The following ARSK variants were observed in gnomAD, a reference collection of about 807,000 sequenced individuals.
ARSK encodes the protein arylsulfatase K.
In ARSK, 37 loss-of-function variants were observed where a neutral mutation model predicts 53.2. The ratio of observed to expected loss-of-function variants is 0.70; its 90% CI spans 0.54 to 0.92. ARSK has a LOEUF of 0.92. Ranked by LOEUF, ARSK falls within the 40% of genes least tolerant of loss-of-function variation. The pLI is 0.00. For synonymous variants in ARSK, 208 were observed against 223.2 expected (o/e 0.93, Z 0.61); for missense variants, 613 against 643.0 (o/e 0.95, Z 0.51).
rs745501750 is a variant in ARSK, at chr5:95,567,969, G to T, written c.336G>T (p.Trp112Cys). ...FKGLDPNYTT[W>C]MDVMERHGYR... ...GTCTAGATCCAAATTATACAACATGGATGGATGTCATGGAGAGGCATGGCT... is the reference window on the plus strand; with the variant it reads ...GTCTAGATCCAAATTATACAACATGTATGGATGTCATGGAGAGGCATGGCT... The change falls in exon 3 of 8, where the codon TGG (tryptophan) becomes TGT (cysteine). Residue 112 changes from tryptophan to cysteine, a missense_variant. Physicochemically the swap from Trp to Cys is radical, Grantham distance 215. Coordinates refer to ENST00000380009, the MANE Select transcript of ARSK (RefSeq NM_198150.3). 3.1e-6 allele frequency: 5 copies of T among 1,613,736 alleles called. No individual in the cohort carries two copies. The highest frequency in any genetic ancestry group is 4.2e-6 in the Non-Finnish European group (5 of 1,179,840).
chr5:95,598,487 T>C lies in ARSK; in HGVS notation c.1097-2360T>C, dbSNP rs115131024. Among the ~76,000 whole-genome samples, 563 of 152,282 alleles carry C rather than the reference T, an allele frequency of 3.7e-3. 1 individual carries two copies. Among genetic ancestry groups the C allele is most frequent in the Non-Finnish European group, 5.3e-3 (358 of 68,030 alleles). ...CATGGGTTTTATCAATTTACAAAGG[T>C]ATTTTATTCTATCAATAATAGACTG... On this transcript the variant is annotated intron_variant, in intron 6 of 7. Transcript: ENST00000380009.
intron 3 of ARSK, among the ~76,000 whole-genome samples, chr5:95,574,154 C>T (rs1748883645): frequency 6.6e-6 from 1 of 152,182 alleles, no homozygotes; most frequent in African/African-American, 2.4e-5. Context: ...CAGTTCCATC[C>T]ATGTTGTTGC....
chr5:95,579,321 G>A (rs2112429465), intron 3 of ARSK, among the ~76,000 whole-genome samples: 1 of 152,298 alleles, frequency 6.6e-6, no homozygotes, highest in African/African-American at 2.4e-5. Flanking sequence ...AAGAAAAAGA[G>A]GTTTAATGGA....
At chr5:95,559,295 C>T (rs1380534055) in intron 1 of ARSK, among the ~76,000 whole-genome samples, 4 of 152,088 alleles carry the variant, frequency 2.6e-5, no homozygotes, top group African/African-American at 7.2e-5. Flanking sequence ...GTTCTGAATC[C>T]GCAGATTCCA....
At chr5:95,561,577 AT>A (rs1748636483) in intron 1 of ARSK, among the ~76,000 whole-genome samples, 1 of 152,272 alleles carries the variant, frequency 6.6e-6, no homozygotes, top group Non-Finnish European at 1.5e-5. Flanking sequence ...ACAATAAAAA[AT>A]ATGGTATATG....
chr5:95,600,914 A>G lies in ARSK; in HGVS notation c.1164A>G (p.Thr388=), dbSNP rs1468293644. ...CTTTGTTGCCGTTATCATCAGAAAC[A>G]TTTAAGAATGAACATAAAGTCAAAA... ...GYSLLPLSSE[T]FKNEHKVKNL... is the part of the protein sequence containing the mutation. The change falls in exon 7 of 8, where the codon ACA becomes ACG. Residue 388 remains threonine, a synonymous_variant. Coordinates refer to ENST00000380009, the MANE Select transcript of ARSK (RefSeq NM_198150.3). The G allele has an allele frequency of 6.2e-7, 1 of 1,614,116 alleles. No homozygotes were observed. Among genetic ancestry groups the G allele is most frequent in the Admixed American group, 1.7e-5 (1 of 60,014 alleles).
chr5:95,555,333 C>A lies in ARSK; in HGVS notation c.55C>A (p.Pro19Thr). 6.2e-7 allele frequency: 1 copy of A among 1,609,124 alleles called. No individual in the cohort carries two copies. The highest frequency in any genetic ancestry group is 8.5e-7 in the Non-Finnish European group (1 of 1,179,422). The change falls in exon 1 of 8, where the codon CCC becomes ACC. Residue 19 changes from proline to threonine, a missense_variant. Physicochemically the swap from Pro to Thr is conservative, Grantham distance 38. Transcript: ENST00000380009. The surrounding 1 kb of genome is among the most constrained non-coding windows in gnomAD (Gnocchi z 4.0). The stretch of plus-strand genomic sequence containing the variant: ...AGCCTTGGCGCTGGCGGTACTGGCC[C>A]CCGGAGCAGGGGAGCAGAGGCGGAG... ...VAALALAVLA[P>T]GAGEQRRRAA...
intron 1 of ARSK, among the ~76,000 whole-genome samples, chr5:95,564,247 G>C (rs529348538): frequency 6.6e-6 from 1 of 152,188 alleles, no homozygotes; most frequent in South Asian, 2.1e-4. Context: ...CAAAGAGCTG[G>C]GATTACAGGC....
rs10061402 is a variant in ARSK at position 95,570,263 on chromosome 5, C to G, written c.416+2214C>G. Among the ~76,000 whole-genome samples the G allele has an allele frequency of 4.7e-3, 723 of 152,342 alleles. 3 individuals are homozygous for G. Among genetic ancestry groups the G allele is most frequent in the African/African-American group, 0.016 (678 of 41,578 alleles). On this transcript the variant is annotated intron_variant, in intron 3 of 7. Transcript: ENST00000380009. ...ACCTCCAGTCTCATTTCATACCACT[C>G]TCTCCATCCCTCAGTATGCACCTGG... is the stretch of plus-strand genomic sequence containing the variant.
chr5:95,594,105 G>C (rs1749261914), intron 6 of ARSK, among the ~76,000 whole-genome samples: 1 of 152,162 alleles, frequency 6.6e-6, no homozygotes, highest in South Asian at 2.1e-4. Context: ...AAGAGGGAAA[G>C]CTACATTTAA....
chr5:95,568,181 AT>A, intron 3 of ARSK, 132 bp downstream of exon 3: 1 of 948,518 alleles, frequency 1.1e-6, no homozygotes, highest in Non-Finnish European at 1.5e-6. Context: ...CATTGTGTTA[AT>A]TAGGCTGAAA....
At chr5:95,561,055 C>T (rs76605836) in intron 1 of ARSK, among the ~76,000 whole-genome samples, 108 of 152,202 alleles carry the variant, frequency 7.1e-4, no homozygotes, top group African/African-American at 2.5e-3. Flanking sequence ...GGGATATACC[C>T]GCCTAGGCCT....
In ARSK at chr5:95,555,297, T is replaced by A. The variant is rs1276238280; in HGVS notation, c.19T>A (p.Ser7Thr). The change falls in exon 1 of 8, where the codon TCG (serine) becomes ACG (threonine). Residue 7 changes from serine to threonine, a missense_variant. Coordinates refer to ENST00000380009, the MANE Select transcript of ARSK (RefSeq NM_198150.3). The surrounding 1 kb of genome is among the most constrained non-coding windows in gnomAD (Gnocchi z 4.0). MLLLWV[S>T]VVAALALAVL... ...ACCGGCGATGCTACTGCTGTGGGTG[T>A]CGGTGGTCGCAGCCTTGGCGCTGGC... is the stretch of plus-strand genomic sequence containing the variant. The A allele has an allele frequency of 6.2e-7, 1 of 1,601,718 alleles. No individual in the cohort carries two copies. The highest frequency in any genetic ancestry group is 8.5e-7 in the Non-Finnish European group (1 of 1,178,908).
intron 1 of ARSK, among the ~76,000 whole-genome samples, chr5:95,557,667 A>G (rs566884962): frequency 1.3e-5 from 2 of 152,354 alleles, no homozygotes; most frequent in South Asian, 4.1e-4. Context: ...GTATGCTGTT[A>G]GATTCTTGAC....
At chr5:95,583,422 G>A (rs1003734820) in intron 4 of ARSK, among the ~76,000 whole-genome samples, 4 of 152,138 alleles carry the variant, frequency 2.6e-5, no homozygotes, top group Non-Finnish European at 4.4e-5. Context: ...CTAAGGATAT[G>A]TCTATAAACA....
intron 4 of ARSK, among the ~76,000 whole-genome samples, chr5:95,584,442 T>A (rs1749074335): frequency 6.6e-6 from 1 of 152,216 alleles, no homozygotes; most frequent in African/African-American, 2.4e-5. Context: ...TATTTAACAA[T>A]ACTGTGATAA....
intron 4 of ARSK, 81 bp from the exon 5 acceptor site, chr5:95,586,481 T>G: frequency 1.8e-6 from 2 of 1,100,352 alleles, no homozygotes; most frequent in South Asian, 1.4e-5. Context: ...TAAACATTGT[T>G]GATTTCATCA....
intron 6 of ARSK, chr5:95,600,614 C>T (rs200907810): frequency 3.8e-5 from 25 of 658,160 alleles, no homozygotes; most frequent in Middle Eastern, 2.4e-4. Context: ...GTGGTCATCC[C>T]CTTCTTACAG....
chr5:95,591,188 G>T (rs1749208742), intron 5 of ARSK, among the ~76,000 whole-genome samples: 1 of 152,078 alleles, frequency 6.6e-6, no homozygotes, highest in African/African-American at 2.4e-5. Context: ...GTTCCCATGG[G>T]TATTATATTT....
Sources: allele counts gnomAD v4.1 joint callset (sites outside exome capture counted in the v4.1 genomes callset), GRCh38; gene constraint gnomAD v4.1.1; non-coding constraint Gnocchi (gnomAD v3.1); transcripts MANE v1.5; gene names NCBI Gene and HGNC (gene_info 2026-07-23, HGNC 2026-07-21).